The following ZFAT variants were observed in gnomAD, a reference collection of about 807,000 sequenced individuals.
ZFAT encodes zinc finger protein ZFAT.
A neutral mutation model predicts 117.7 loss-of-function variants in ZFAT; 64 were observed. That is an observed-to-expected ratio of 0.54 (90% CI 0.44 to 0.67). The LOEUF (loss-of-function observed/expected upper bound fraction) is 0.67. Among genes scored for constraint, ZFAT ranks in the 30% least tolerant of loss-of-function variants. ZFAT has a pLI of 0.00. For missense variants in ZFAT, 1,433 were observed against 1,584.5 expected, an observed-to-expected ratio of 0.90 and a Z score of 1.62; for synonymous variants, 679 against 615.0, an observed-to-expected ratio of 1.10 and a Z score of -1.54.
At chr8:134,659,070 C>T (rs557634435) in intron 1 of ZFAT, among the ~76,000 whole-genome samples, 13 of 152,234 alleles carry the variant, frequency 8.5e-5, no homozygotes, top group Non-Finnish European at 1.8e-4. Context: ...GGAGGCTCAA[C>T]GCTGCCTGGA....
intron 3 of ZFAT, among the ~76,000 whole-genome samples, chr8:134,619,563 G>A (rs1040750881): frequency 6.6e-6 from 1 of 152,184 alleles, no homozygotes; most frequent in Non-Finnish European, 1.5e-5. Context: ...CTAGATGGAT[G>A]TAAGTTCAGT....
the ZFAT span, among the ~76,000 whole-genome samples, chr8:134,830,014 C>G: frequency 6.6e-6 from 1 of 152,124 alleles, no homozygotes; most frequent in Non-Finnish European, 1.5e-5. Context: ...ATACGCACAG[C>G]CCAAATCACT....
intron 12 of ZFAT, among the ~76,000 whole-genome samples, chr8:134,531,386 T>C (rs1416580805): frequency 6.6e-6 from 1 of 152,246 alleles, no homozygotes; most frequent in Non-Finnish European, 1.5e-5. Context: ...CCCTCTGTGA[T>C]TCCTGGACAT....
intron 15 of ZFAT, among the ~76,000 whole-genome samples, chr8:134,483,925 A>G (rs1586554109): frequency 6.6e-6 from 1 of 152,334 alleles, no homozygotes; most frequent in East Asian, 1.9e-4. Flanking sequence ...TGCGCCAGGC[A>G]GTGGCTACGG....
At chr8:134,652,450 A>G (rs915734881) in intron 2 of ZFAT, among the ~76,000 whole-genome samples, 4 of 152,366 alleles carry the variant, frequency 2.6e-5, no homozygotes, top group Non-Finnish European at 5.9e-5. Flanking sequence ...GAAGAGCCGG[A>G]AAGTCATAAA....
At chr8:134,480,761 G>T (rs1279257965) in intron 15 of ZFAT, among the ~76,000 whole-genome samples, 1 of 152,210 alleles carries the variant, frequency 6.6e-6, no homozygotes, top group Non-Finnish European at 1.5e-5. Flanking sequence ...TTCCTGGCCT[G>T]CAAATTGGCA....
the ZFAT span, among the ~76,000 whole-genome samples, chr8:134,812,777 A>T: frequency 6.6e-6 from 1 of 152,212 alleles, no homozygotes; most frequent in Admixed American, 6.5e-5. Flanking sequence ...ATGCAGCAAC[A>T]AACAGTAAAT....
chr8:134,791,763 C>CA, the ZFAT span, among the ~76,000 whole-genome samples: 2 of 151,936 alleles, frequency 1.3e-5, no homozygotes, highest in South Asian at 2.1e-4. Flanking sequence ...ATATGCCCAG[C>CA]AAAAAAACTA....
intron 1 of ZFAT, among the ~76,000 whole-genome samples, chr8:134,707,359 T>C (rs1834177647): frequency 6.6e-6 from 1 of 152,164 alleles, no homozygotes; most frequent in Non-Finnish European, 1.5e-5. Context: ...ATATTGGACT[T>C]TGCATGCCTA....
At chr8:134,529,165 C>T (rs747278847) in intron 12 of ZFAT, among the ~76,000 whole-genome samples, 7 of 152,162 alleles carry the variant, frequency 4.6e-5, no homozygotes, top group Admixed American at 6.5e-5. Flanking sequence ...GACTCCCAAG[C>T]GTGTGGTCAT....
At position 134,636,108 on chromosome 8, in the gene ZFAT, A is replaced by G. The variant is rs377537733; in HGVS notation, c.448+1353T>C. On this transcript the variant is annotated intron_variant, in intron 3 of 15. Coordinates refer to ENST00000377838, the MANE Select transcript of ZFAT (RefSeq NM_020863.4). ...TGGCCACCAACCTAGATGCTCCATA[A>G]ATATTAGTTGATGAGTTACTCAATA... Among the ~76,000 whole-genome samples, 8 of 152,350 alleles carry G rather than the reference A, an allele frequency of 5.3e-5. 1 individual carries two copies. Among genetic ancestry groups the G allele is most frequent in the Admixed American group, 3.9e-4 (6 of 15,306 alleles).
chr8:134,558,058 G>A (rs750464226), intron 11 of ZFAT, among the ~76,000 whole-genome samples: 2 of 152,210 alleles, frequency 1.3e-5, no homozygotes, highest in Admixed American at 6.5e-5. Context: ...TGGGCTCTAG[G>A]CTTACTGAAA....
At chr8:134,747,467 A>G in the ZFAT span, among the ~76,000 whole-genome samples, 1 of 152,264 alleles carries the variant, frequency 6.6e-6, no homozygotes, top group South Asian at 2.1e-4. Context: ...TAATTGGCTT[A>G]TATGAATATT....
At chr8:134,583,396 G>C (rs1287482496) in intron 10 of ZFAT, among the ~76,000 whole-genome samples, 1 of 152,158 alleles carries the variant, frequency 6.6e-6, no homozygotes, top group East Asian at 1.9e-4. Flanking sequence ...TTTTACTTTA[G>C]ACTTGGTTCC....
chr8:134,639,735 C>A (rs769421433), intron 2 of ZFAT: 1 of 456,310 alleles, frequency 2.2e-6, no homozygotes, highest in South Asian at 1.5e-5. Flanking sequence ...CAATTCATAT[C>A]AGAGAAGCAG....
At chr8:134,794,137 C>T in the ZFAT span, 1 of 152,184 alleles carries the variant, frequency 6.6e-6, no homozygotes, top group Admixed American at 6.5e-5. Context: ...GCACTTAGAG[C>T]TATCTCAAAT....
chr8:134,711,205 G>A (rs1402111901), intron 1 of ZFAT, among the ~76,000 whole-genome samples: 2 of 152,210 alleles, frequency 1.3e-5, no homozygotes, highest in African/African-American at 4.8e-5. Context: ...CTGGACTCAA[G>A]GGACCCTCCC....
intron 7 of ZFAT, among the ~76,000 whole-genome samples, chr8:134,592,517 C>G (rs1826582653): frequency 6.6e-6 from 1 of 152,178 alleles, no homozygotes; most frequent in Non-Finnish European, 1.5e-5. Flanking sequence ...CTCTCAGTGC[C>G]TCCGTTTCAT....
the ZFAT span, among the ~76,000 whole-genome samples, chr8:134,787,402 T>A: frequency 6.6e-6 from 1 of 152,224 alleles, no homozygotes; most frequent in Admixed American, 6.5e-5. Flanking sequence ...GCTATCTAAT[T>A]GACTGTACCA....
Sources: allele counts gnomAD v4.1 joint callset (sites outside exome capture counted in the v4.1 genomes callset), GRCh38; gene constraint gnomAD v4.1.1; transcripts MANE v1.5; gene names NCBI Gene and HGNC (gene_info 2026-07-23, HGNC 2026-07-21).